The following IL1R1 variants were observed in gnomAD, a reference collection of about 807,000 sequenced individuals.
IL1R1 encodes interleukin 1 receptor type 1.
In IL1R1, 22 loss-of-function variants were observed where a neutral mutation model predicts 50.2. That is an observed-to-expected ratio of 0.44 (90% CI 0.31 to 0.63). IL1R1 has a LOEUF of 0.63. IL1R1 is among the 20% of genes least tolerant of loss of function. The probability of loss-of-function intolerance (pLI) is 0.07; values close to 1 mark genes in which losing one functional copy is unlikely to be tolerated. For synonymous variants in IL1R1, 251 were observed against 236.7 expected (o/e 1.06, Z -0.55); for missense variants, 509 against 676.2 (o/e 0.75, Z 2.74).
chr2:102,157,500 T>A lies in IL1R1; in HGVS notation c.-6-219T>A, dbSNP rs977313879. ...AAATCTTAAGTTGTTGAGTTTGTTC[T>A]CAATTTTGTGAAAACTCTTTATCCC... On this transcript the variant is annotated intron_variant, in intron 2 of 11. Transcript: ENST00000410023. Among the ~76,000 whole-genome samples the A allele has an allele frequency of 8.5e-5, 13 of 152,190 alleles. No individual in the cohort carries two copies. In the East Asian group the frequency reaches 2.5e-3, roughly 29 times the overall value.
At chr2:102,175,453 T>C in intron 10 of IL1R1, 25 bp from the exon 11 acceptor site, 1 of 1,596,166 alleles carries the variant, frequency 6.3e-7, no homozygotes, top group Non-Finnish European at 8.6e-7. Flanking sequence ...CTTGTGGTTC[T>C]AAATACATTA....
intron 1 of IL1R1, among the ~76,000 whole-genome samples, chr2:102,126,486 G>A (rs115860741): frequency 0.012 from 1,813 of 152,160 alleles, 12 homozygotes; most frequent in Non-Finnish European, 0.017. Context: ...AAATTTATAC[G>A]TATTAAAACT....
Position 102,093,403 on chromosome 2 carries a change from T to C in IL1R1, c.-84+22870T>C, listed in dbSNP as rs1473924022. On this transcript the variant is annotated intron_variant, in intron 1 of 11. Coordinates refer to the IL1R1 transcript ENST00000409929. Reference sequence around the variant, plus strand: ...TAGATAACAGGTATATGTTTAACTTTTGGGGAAAATGTAAATTTGTTTCCC... The same window carrying C: ...TAGATAACAGGTATATGTTTAACTTCTGGGGAAAATGTAAATTTGTTTCCC... Among the ~76,000 whole-genome samples, 4 of 152,246 alleles carry C rather than the reference T, an allele frequency of 2.6e-5. No individual in the cohort carries two copies. In the East Asian group the frequency reaches 5.8e-4, roughly 22 times the overall value.
At chr2:102,103,007 G>A (rs955330396), upstream of IL1R1, among the ~76,000 whole-genome samples, 2 of 152,132 alleles carry the variant, frequency 1.3e-5, no homozygotes, top group African/African-American at 4.8e-5. Flanking sequence ...AGGATGGAGT[G>A]TGGGAGGAGG....
intron 1 of IL1R1, among the ~76,000 whole-genome samples, chr2:102,125,735 A>C (rs773557845): frequency 6.6e-6 from 1 of 152,196 alleles, no homozygotes; most frequent in Non-Finnish European, 1.5e-5. Context: ...ACAAGGTCTA[A>C]TTAGTTGTCT....
chr2:102,152,504 C>CAAAAAAAAAAAA (rs70946674), intron 1 of IL1R1, among the ~76,000 whole-genome samples: 2 of 29,696 alleles, frequency 6.7e-5, no homozygotes, highest in Non-Finnish European at 1.1e-4. Flanking sequence ...GACTCCGTCT[C>CAAAAAAAAAAAA]AAAAAAAAAA....
chr2:102,076,353 A>G (rs954822528), intron 1 of IL1R1, among the ~76,000 whole-genome samples: 4 of 151,964 alleles, frequency 2.6e-5, no homozygotes, highest in African/African-American at 4.8e-5. Context: ...AATATTTTGT[A>G]TTTTTAGTAG....
chr2:102,114,442 G>A (rs538554462), intron 1 of IL1R1, among the ~76,000 whole-genome samples: 3 of 152,304 alleles, frequency 2.0e-5, no homozygotes, highest in East Asian at 3.9e-4. Context: ...CAACAGTGAA[G>A]GAATGTGTAC....
chr2:102,087,138 T>C, intron 1 of IL1R1, among the ~76,000 whole-genome samples: 1 of 152,330 alleles, frequency 6.6e-6, no homozygotes, highest in African/African-American at 2.4e-5. Flanking sequence ...ACAATGTACA[T>C]ATCTTAGTTA....
At chr2:102,107,814 T>C (rs1680505735) in intron 1 of IL1R1, among the ~76,000 whole-genome samples, 1 of 152,220 alleles carries the variant, frequency 6.6e-6, no homozygotes, top group African/African-American at 2.4e-5. Flanking sequence ...CCTCTTACAG[T>C]AACTTCTGCC....
chr2:102,177,198 G>A lies in IL1R1; in HGVS notation c.*439G>A, dbSNP rs1686220418. The A allele has an allele frequency of 1.1e-5, 2 of 184,944 alleles. No individual in the cohort carries two copies. The highest frequency in any genetic ancestry group is 9.3e-5 in the South Asian group (1 of 10,744). The allele number at this position is 184,944 out of a possible 1,614,324, so 11.5% of individuals were successfully genotyped here. On this transcript the variant is annotated 3_prime_UTR_variant, in exon 12 of 12. Transcript: ENST00000410023. Reference sequence around the variant, plus strand: ...GGAGAATTGCTTGAACCGGGGAGACGGAGGTTGCAGTGAGCCGAGTTTGGG... The same window carrying A: ...GGAGAATTGCTTGAACCGGGGAGACAGAGGTTGCAGTGAGCCGAGTTTGGG...
chr2:102,128,718 A>G (rs139230882), intron 1 of IL1R1, among the ~76,000 whole-genome samples: 5 of 152,296 alleles, frequency 3.3e-5, no homozygotes, highest in Non-Finnish European at 5.9e-5. Context: ...AAACTCCTAC[A>G]TGTTTTAGGG....
chr2:102,110,581 G>T (rs1178078593), intron 1 of IL1R1, among the ~76,000 whole-genome samples: 1 of 151,048 alleles, frequency 6.6e-6, no homozygotes, highest in Non-Finnish European at 1.5e-5. Flanking sequence ...AACTTAGTAA[G>T]TTTTCTAAAT....
intron 1 of IL1R1, among the ~76,000 whole-genome samples, chr2:102,123,000 C>T (rs1681483450): frequency 6.6e-6 from 1 of 152,202 alleles, no homozygotes; most frequent in African/African-American, 2.4e-5. Flanking sequence ...AGACTGAAAG[C>T]AGGGATCAGG....
chr2:102,070,673 TA>T (rs1678675877), intron 1 of IL1R1: 1 of 152,064 alleles, frequency 6.6e-6, no homozygotes, highest in African/African-American at 2.4e-5. Flanking sequence ...AAAGCCAGGG[TA>T]AGGTTCACCG....
chr2:102,167,725 G>A (rs1159920545), intron 6 of IL1R1, among the ~76,000 whole-genome samples: 1 of 152,046 alleles, frequency 6.6e-6, no homozygotes, highest in Non-Finnish European at 1.5e-5. Flanking sequence ...TGGGATTACA[G>A]GTGTGAGCCA....
chr2:102,075,665 T>C (rs1678925767), intron 1 of IL1R1, among the ~76,000 whole-genome samples: 1 of 152,196 alleles, frequency 6.6e-6, no homozygotes, highest in African/African-American at 2.4e-5. Flanking sequence ...ACATACCTGA[T>C]TGCCTACTGC....
chr2:102,118,376 C>G (rs765797812), intron 1 of IL1R1, among the ~76,000 whole-genome samples: 8 of 152,182 alleles, frequency 5.3e-5, no homozygotes, highest in Admixed American at 1.3e-4. Flanking sequence ...TCTTCTGTAT[C>G]CTTTATTGTA....
intron 1 of IL1R1, among the ~76,000 whole-genome samples, chr2:102,128,056 C>G (rs964418472): frequency 1.3e-5 from 2 of 152,156 alleles, no homozygotes; most frequent in Non-Finnish European, 2.9e-5. Flanking sequence ...ACACAGAGAT[C>G]AAGTTATCTA....
Sources: gnomAD v4.1 joint callset for allele counts (sites outside exome capture counted in the v4.1 genomes callset) on GRCh38, gnomAD v4.1.1 for gene constraint, MANE v1.5 for transcripts, NCBI Gene and HGNC (gene_info 2026-07-23, HGNC 2026-07-21) for gene names.